Variants in ADAM23 observed in about 807,000 individuals in gnomAD.
ADAM23 encodes ADAM metallopeptidase domain 23, also known as disintegrin and metalloproteinase domain-containing protein 23.
ADAM23 carries 33 observed loss-of-function variants against 120.1 expected under a neutral mutation model. That is an observed-to-expected ratio of 0.27 (90% CI 0.21 to 0.37). The LOEUF is 0.37. Among genes scored for constraint, ADAM23 ranks in the 10% least tolerant of loss-of-function variants. The probability of loss-of-function intolerance (pLI) is 1.00; values close to 1 mark genes in which losing one functional copy is unlikely to be tolerated. For synonymous variants in ADAM23, 367 were observed against 375.2 expected (o/e 0.98, Z 0.25); for missense variants, 862 against 1,058.2 (o/e 0.81, Z 2.57).
chr2:206,604,843 T>C (rs768109577), intron 24 of ADAM23, among the ~76,000 whole-genome samples: 2 of 152,314 alleles, frequency 1.3e-5, no homozygotes, highest in East Asian at 1.9e-4. Flanking sequence ...TTGAAGCTAA[T>C]CTCTGTTTTC....
In ADAM23 at chr2:206,444,087, A is replaced by G; in HGVS notation, c.214+7A>G. On this transcript the variant is annotated splice_region_variant and intron_variant, in intron 1 of 25. Transcript: ENST00000264377. ...GGGGCTGCTGCGCCCAGCGGTGGGT[A>G]TGGCCCCGTGCCCTTTGCGTTGGCT... 1 of 1,335,846 alleles carries G rather than the reference A, an allele frequency of 7.5e-7. No individual in the cohort carries two copies. Among genetic ancestry groups the G allele is most frequent in the Non-Finnish European group, 9.6e-7 (1 of 1,043,580 alleles). The allele number at this position is 1,335,846 out of a possible 1,614,324, so 82.7% of individuals were successfully genotyped here. A position where few individuals can be genotyped will look rare whatever the true frequency, so the allele number is the denominator to read the frequency against.
Position 206,617,656 on chromosome 2 carries a change from G to A in ADAM23, c.*29G>A. On this transcript the variant is annotated 3_prime_UTR_variant, in exon 26 of 26. Coordinates refer to ENST00000264377, the MANE Select transcript of ADAM23 (RefSeq NM_003812.4). The stretch of plus-strand genomic sequence containing the variant: ...AGCTGCGCTGGATGGACACCGCCTT[G>A]CACTGTTGGATTCTGGGTATGACAT... 6.2e-7 allele frequency: 1 copy of A among 1,612,648 alleles called. No homozygotes were observed. Among genetic ancestry groups the A allele is most frequent in the Non-Finnish European group, 8.5e-7 (1 of 1,179,388 alleles).
chr2:206,597,287 C>G (rs1698547364), intron 24 of ADAM23, among the ~76,000 whole-genome samples: 1 of 148,062 alleles, frequency 6.8e-6, no homozygotes, highest in South Asian at 2.2e-4. Flanking sequence ...TCAAGAGATT[C>G]TCCTGCCTCA....
rs1698523225 is a variant in ADAM23 at position 206,596,243 on chromosome 2, G to T, written c.2359+81G>T. On this transcript the variant is annotated intron_variant, in intron 24 of 25. Coordinates refer to ENST00000264377, the MANE Select transcript of ADAM23 (RefSeq NM_003812.4). ...AATGCACCAGTATAACATTCTAATT[G>T]ACTTAAGAGGAGACACATAAGAATA... 3.0e-6 allele frequency: 3 copies of T among 1,015,326 alleles called. No individual in the cohort carries two copies. In the East Asian group the frequency reaches 7.7e-5, roughly 26 times the overall value. The allele number at this position is 1,015,326 out of a possible 1,614,324, so 62.9% of individuals were successfully genotyped here.
intron 2 of ADAM23, among the ~76,000 whole-genome samples, chr2:206,472,234 G>T (rs1453726030): frequency 6.6e-6 from 1 of 152,138 alleles, no homozygotes; most frequent in East Asian, 1.9e-4. Flanking sequence ...ATTTAGTGTG[G>T]CTAATGTGAT....
chr2:206,547,996 C>T (rs1005005865), intron 7 of ADAM23, among the ~76,000 whole-genome samples: 3 of 147,410 alleles, frequency 2.0e-5, no homozygotes, highest in Non-Finnish European at 4.5e-5. Flanking sequence ...ATGAATTAGA[C>T]ATAGTAGAAC....
intron 3 of ADAM23, among the ~76,000 whole-genome samples, chr2:206,499,596 A>C (rs1192207480): frequency 6.6e-6 from 1 of 152,034 alleles, no homozygotes; most frequent in Admixed American, 6.6e-5. Context: ...ATATGTAACA[A>C]ACCTGCACGT....
chr2:206,564,637 C>A (rs1697842327), intron 13 of ADAM23, among the ~76,000 whole-genome samples: 1 of 152,140 alleles, frequency 6.6e-6, no homozygotes, highest in South Asian at 2.1e-4. Context: ...CCAGGAAATG[C>A]TAAGTTACTT....
At position 206,464,346 on chromosome 2, in the gene ADAM23, G is replaced by A. The variant is rs560860617; in HGVS notation, c.433-16886G>A. Reference sequence around the variant, plus strand: ...TCCCAGCACTTTGGGAGGGCGAGACGGGTGGATCACCTGAGGTCAGGAGTT... The same window carrying A: ...TCCCAGCACTTTGGGAGGGCGAGACAGGTGGATCACCTGAGGTCAGGAGTT... On this transcript the variant is annotated intron_variant, in intron 2 of 25. Coordinates refer to ENST00000264377, the MANE Select transcript of ADAM23 (RefSeq NM_003812.4). 3.3e-5 allele frequency among the ~76,000 whole-genome samples: 5 copies of A among 152,158 alleles called. No individual in the cohort carries two copies. The South Asian group carries it at 6.2e-4, about 19-fold the overall frequency.
In ADAM23 at chr2:206,620,905, T is replaced by G. The variant is rs1004597719; in HGVS notation, c.*3278T>G. On this transcript the variant is annotated 3_prime_UTR_variant, in exon 26 of 26. Coordinates refer to ENST00000264377, the MANE Select transcript of ADAM23 (RefSeq NM_003812.4). ...TCTGAAGAACTTTACAAACAATACTTGAACCCTTTCTTTAAAGTTATCCCA... is the reference window on the plus strand; with the variant it reads ...TCTGAAGAACTTTACAAACAATACTGGAACCCTTTCTTTAAAGTTATCCCA... The G allele has an allele frequency of 6.6e-6, 1 of 152,206 alleles. No homozygotes were observed. The highest frequency in any genetic ancestry group is 1.5e-5 in the Non-Finnish European group (1 of 68,028). 9.4% of individuals were successfully genotyped at this position (152,206 alleles called of 1,614,324 possible).
intron 18 of ADAM23, among the ~76,000 whole-genome samples, chr2:206,585,267 G>T (rs1412629806): frequency 1.3e-5 from 2 of 152,202 alleles, no homozygotes; most frequent in Non-Finnish European, 2.9e-5. Flanking sequence ...AAGGTTAAGA[G>T]TGAGTGAATG....
intron 24 of ADAM23, among the ~76,000 whole-genome samples, chr2:206,600,996 A>G (rs935031986): frequency 3.9e-5 from 6 of 152,144 alleles, no homozygotes; most frequent in African/African-American, 1.2e-4. Context: ...CACTGAAATC[A>G]TTATAGAAAA....
rs1697849635 is a variant in ADAM23, at chr2:206,565,017, C to T, written c.1346-3C>T. The T allele has an allele frequency of 6.2e-7, 1 of 1,613,230 alleles. No homozygotes were observed. The highest frequency in any genetic ancestry group is 1.1e-5 in the South Asian group (1 of 90,878). On this transcript the variant is annotated splice_polypyrimidine_tract_variant and splice_region_variant and intron_variant, in intron 13 of 25. Coordinates refer to ENST00000264377, the MANE Select transcript of ADAM23 (RefSeq NM_003812.4). ...TGTTGCTTTTATTGTTTTATTGGAC[C>T]AGAATGTGACTGCACAGAATCCTGG...
At chr2:206,530,775 T>C (rs1697042797) in intron 3 of ADAM23, 110 bp from the exon 4 acceptor site, 1 of 593,166 alleles carries the variant, frequency 1.7e-6, no homozygotes, top group Non-Finnish European at 2.8e-6. Flanking sequence ...AACCATGGAC[T>C]GCAGCTATTT....
intron 3 of ADAM23, among the ~76,000 whole-genome samples, chr2:206,488,440 TC>T (rs1696061635): frequency 6.6e-6 from 1 of 152,040 alleles, no homozygotes; most frequent in African/African-American, 2.4e-5. Context: ...TGGTTTTGGG[TC>T]CCCTGGTAGC....
chr2:206,449,930 T>C (rs929527591), intron 2 of ADAM23, among the ~76,000 whole-genome samples: 2 of 152,334 alleles, frequency 1.3e-5, no homozygotes, highest in South Asian at 2.1e-4. Context: ...AGTCTTTTGC[T>C]TTCTCTACTA....
intron 3 of ADAM23, among the ~76,000 whole-genome samples, chr2:206,523,860 A>G (rs193040951): frequency 8.5e-5 from 13 of 152,292 alleles, no homozygotes; most frequent in Admixed American, 7.8e-4. Flanking sequence ...GAAGCTTCTA[A>G]TGGAAAGAGG....
At chr2:206,498,698 A>G (rs1696313771) in intron 3 of ADAM23, among the ~76,000 whole-genome samples, 1 of 152,202 alleles carries the variant, frequency 6.6e-6, no homozygotes, top group South Asian at 2.1e-4. Flanking sequence ...AGAAACTACC[A>G]TCAGAGTGAA....
Position 206,547,449 on chromosome 2 carries a change from T to C in ADAM23, c.741T>C (p.His247=), listed in dbSNP as rs2105811351. Reference sequence around the variant, plus strand: ...TTCAGAAAAGCACAGGTCGACCACATATAATCCAGAAAACCTTGGCAGGAC... The same window carrying C: ...TTCAGAAAAGCACAGGTCGACCACACATAATCCAGAAAACCTTGGCAGGAC... ...VHDEKSTGRP[H]IIQKTLAGQY... Residue 247 remains histidine (H), a synonymous_variant, in exon 7 of 26, where the codon CAT becomes CAC. Coordinates refer to ENST00000264377, the MANE Select transcript of ADAM23 (RefSeq NM_003812.4). 2.5e-6 allele frequency: 4 copies of C among 1,613,200 alleles called. No individual in the cohort carries two copies. Among genetic ancestry groups the C allele is most frequent in the Non-Finnish European group, 2.5e-6 (3 of 1,179,480 alleles).
Sources: allele counts gnomAD v4.1 joint callset (sites outside exome capture counted in the v4.1 genomes callset), GRCh38; gene constraint gnomAD v4.1.1; transcripts MANE v1.5; gene names NCBI Gene and HGNC (gene_info 2026-07-23, HGNC 2026-07-21).